The following ADGRL2 variants were observed in gnomAD, a reference collection of about 807,000 sequenced individuals.
ADGRL2 encodes the protein adhesion G protein-coupled receptor L2.
Under a neutral mutation model 157.4 loss-of-function variants are expected in ADGRL2, and 44 were observed. The ratio of observed to expected loss-of-function variants is 0.28; its 90% CI spans 0.22 to 0.36. ADGRL2 has a LOEUF of 0.36. Ranked by LOEUF, ADGRL2 falls within the 10% of genes least tolerant of loss-of-function variation. ADGRL2 has a pLI of 1.00. For synonymous variants in ADGRL2, 585 were observed against 624.7 expected, an observed-to-expected ratio of 0.94 and a Z score of 0.95; for missense variants, 1,510 against 1,768.9, an observed-to-expected ratio of 0.85 and a Z score of 2.63.
At chr1:81,406,399 AT>A (rs1413201629) in intron 1 of ADGRL2, among the ~76,000 whole-genome samples, 1 of 152,194 alleles carries the variant, frequency 6.6e-6, no homozygotes, top group Non-Finnish European at 1.5e-5. Context: ...AGTGAAACCA[AT>A]TTTGCTAAAA....
At chr1:81,642,402 AG>A (rs1557530030) in intron 3 of ADGRL2, among the ~76,000 whole-genome samples, 1 of 151,652 alleles carries the variant, frequency 6.6e-6, no homozygotes, top group Non-Finnish European at 1.5e-5. Flanking sequence ...CCTGAGTGAC[AG>A]AGCAAGACTC....
At chr1:81,466,945 G>A (rs2078068393) in intron 2 of ADGRL2, among the ~76,000 whole-genome samples, 1 of 151,628 alleles carries the variant, frequency 6.6e-6, no homozygotes, top group South Asian at 2.1e-4. Flanking sequence ...ATTTCTACAA[G>A]GTAATTACTG....
intron 1 of ADGRL2, among the ~76,000 whole-genome samples, chr1:81,715,408 C>A (rs919995149): frequency 1.3e-5 from 2 of 151,884 alleles, no homozygotes; most frequent in Non-Finnish European, 2.9e-5. Context: ...GAAAAAGCAC[C>A]AGCTCAAATA....
intron 2 of ADGRL2, among the ~76,000 whole-genome samples, chr1:81,467,376 C>T (rs1293371303): frequency 6.6e-6 from 1 of 152,142 alleles, no homozygotes; most frequent in African/African-American, 2.4e-5. Flanking sequence ...TAAATCTCGT[C>T]CCCCTCTTTA....
chr1:81,722,449 T>C, intron 1 of ADGRL2: 10 of 1,356,632 alleles, frequency 7.4e-6, no homozygotes, highest in Middle Eastern at 2.5e-4. Flanking sequence ...CCGTTTTGTA[T>C]GCCAAGAGGG....
intron 2 of ADGRL2, among the ~76,000 whole-genome samples, chr1:81,864,292 A>C (rs553298838): frequency 1.6e-5 from 1 of 64,106 alleles, no homozygotes; most frequent in East Asian, 5.0e-4. Context: ...GTGCCAAGTC[A>C]TGTGTCTGAA....
In ADGRL2 at chr1:81,715,222, A is replaced by G. The variant is rs114628650; in HGVS notation, c.-143+15414A>G. Among the ~76,000 whole-genome samples the G allele has an allele frequency of 9.5e-3, 1,443 of 151,414 alleles. 26 individuals are homozygous for G. The highest frequency in any genetic ancestry group is 0.033 in the African/African-American group (1,375 of 41,346). On this transcript the variant is annotated intron_variant, in intron 1 of 20. Coordinates refer to the ADGRL2 transcript ENST00000359929. Reference sequence around the variant, plus strand: ...GTAAAATAAGTACTATAAGCTTTCAACCAAACAGGCCACTCAAATGTACAG... The same window carrying G: ...GTAAAATAAGTACTATAAGCTTTCAGCCAAACAGGCCACTCAAATGTACAG...
intron 2 of ADGRL2, among the ~76,000 whole-genome samples, chr1:81,458,650 G>A (rs550589130): frequency 5.1e-4 from 77 of 152,320 alleles, no homozygotes; most frequent in African/African-American, 1.8e-3. Context: ...GGCTGAACAG[G>A]GCATGCCACA....
Position 81,972,853 on chromosome 1 carries a change from G to A in ADGRL2, c.3021+935G>A, listed in dbSNP as rs996510118. ...CTTGTGCCCAGGAGCACAAGGCTGC[G>A]GTGAGCTATGATTGCACCACTGCAC... On this transcript the variant is annotated intron_variant, in intron 17 of 23. Coordinates refer to ENST00000686636, the MANE Select transcript of ADGRL2 (RefSeq NM_001366006.2). Among the ~76,000 whole-genome samples, 7 of 151,164 alleles carry A rather than the reference G, an allele frequency of 4.6e-5. No homozygotes were observed. The East Asian group carries it at 7.8e-4, about 17-fold the overall frequency.
intron 3 of ADGRL2, among the ~76,000 whole-genome samples, chr1:81,917,396 TTTTC>T (rs1209174513): frequency 6.6e-6 from 1 of 152,202 alleles, no homozygotes; most frequent in Non-Finnish European, 1.5e-5. Flanking sequence ...TTGCTATGTA[TTTTC>T]TTTAAGTATA....
At chr1:81,641,776 A>G (rs1210445156) in intron 3 of ADGRL2, among the ~76,000 whole-genome samples, 1 of 152,194 alleles carries the variant, frequency 6.6e-6, no homozygotes, top group Non-Finnish European at 1.5e-5. Context: ...GGAAACCAGA[A>G]AATGAAGAGC....
At chr1:81,609,260 G>A (rs1244139817) in intron 3 of ADGRL2, among the ~76,000 whole-genome samples, 2 of 151,998 alleles carry the variant, frequency 1.3e-5, no homozygotes, top group African/African-American at 4.8e-5. Context: ...GGCTGGTCTC[G>A]AACTCCTGGC....
Position 81,943,330 on chromosome 1 carries a change from C to G in ADGRL2, c.771C>G (p.Thr257=). Residue 257 remains threonine (T), a synonymous_variant, in exon 6 of 24, where the codon ACC becomes ACG. Coordinates refer to ENST00000686636, the MANE Select transcript of ADGRL2 (RefSeq NM_001366006.2). The surrounding 1 kb of genome is among the most constrained non-coding windows in gnomAD (Gnocchi z 5.6). ...AIINYANYHD[T]SPYRWGGKTD... ...TTAACTATGCCAACTACCATGATACCTCACCATACAGATGGGGAGGAAAGA... is the reference window on the plus strand; with the variant it reads ...TTAACTATGCCAACTACCATGATACGTCACCATACAGATGGGGAGGAAAGA... 1 of 1,613,548 alleles carries G rather than the reference C, an allele frequency of 6.2e-7. No individual in the cohort carries two copies. The highest frequency in any genetic ancestry group is 1.6e-4 in the Middle Eastern group (1 of 6,062).
At chr1:81,606,614 C>T (rs913005431) in intron 3 of ADGRL2, among the ~76,000 whole-genome samples, 1 of 152,082 alleles carries the variant, frequency 6.6e-6, no homozygotes, top group Non-Finnish European at 1.5e-5. Context: ...TGGCTGTGAA[C>T]TCCATTTCTT....
chr1:81,338,224 T>A (rs1299119862), intron 1 of ADGRL2, among the ~76,000 whole-genome samples: 3 of 151,904 alleles, frequency 2.0e-5, no homozygotes, highest in Admixed American at 1.3e-4. Flanking sequence ...TTAGCTGGAC[T>A]CTGTGGTGCC....
At chr1:81,425,748 A>G (rs2077201382) in intron 1 of ADGRL2, among the ~76,000 whole-genome samples, 1 of 152,194 alleles carries the variant, frequency 6.6e-6, no homozygotes, top group South Asian at 2.1e-4. Context: ...GCTCTAGAGC[A>G]GGTAGGGGGG....
At chr1:81,865,593 G>A (rs2093519069) in intron 2 of ADGRL2, among the ~76,000 whole-genome samples, 1 of 152,064 alleles carries the variant, frequency 6.6e-6, no homozygotes, top group Admixed American at 6.6e-5. Flanking sequence ...GTTTTGAGCC[G>A]ATGGTACATT....
Position 81,837,057 on chromosome 1 carries a change from G to A in ADGRL2, c.73G>A (p.Gly25Ser). The A allele has an allele frequency of 6.4e-7, 1 of 1,568,014 alleles. No individual in the cohort carries two copies. The highest frequency in any genetic ancestry group is 8.6e-7 in the Non-Finnish European group (1 of 1,156,318). Residue 25 changes from glycine (G) to serine (S), a missense_variant and splice_region_variant, in exon 2 of 24, where the codon GGT becomes AGT. This residue lies in a region of ADGRL2 where 361 missense variants were observed against 498.4 expected (regional missense o/e 0.72). Transcript: ENST00000686636. ...AATCAGCTTCTTACCAAATACAGAA[G>A]GTAAGATCCAGTTTACATTTTGTTT... is the stretch of plus-strand genomic sequence containing the variant. ...IVISFLPNTEGFSRAALPFGL... is the reference protein window; with the variant it reads ...IVISFLPNTESFSRAALPFGL...
chr1:81,456,301 C>G (rs115429402), intron 2 of ADGRL2, among the ~76,000 whole-genome samples: 1 of 152,054 alleles, frequency 6.6e-6, no homozygotes, highest in Non-Finnish European at 1.5e-5. Context: ...CTCATTGTAG[C>G]CCCAACCTCC....
Sources: allele counts gnomAD v4.1 joint callset (sites outside exome capture counted in the v4.1 genomes callset), GRCh38; gene constraint gnomAD v4.1.1; regional missense constraint gnomAD v4.1.1; non-coding constraint Gnocchi (gnomAD v3.1); transcripts MANE v1.5; gene names NCBI Gene and HGNC (gene_info 2026-07-23, HGNC 2026-07-21).